FADS2: variants seen among roughly 807,000 people sequenced by gnomAD.
The protein encoded by FADS2 is fatty acid desaturase 2.
FADS2 carries 18 observed loss-of-function variants against 61.2 expected under a neutral mutation model. The observed-to-expected ratio is 0.29, with a 90% CI of 0.20 to 0.44. FADS2 has a LOEUF of 0.44. FADS2 is among the 20% of genes least tolerant of loss of function. The pLI, the probability that FADS2 is intolerant of heterozygous loss-of-function variation, is 1.00. For missense variants in FADS2, 322 were observed against 572.7 expected, an observed-to-expected ratio of 0.56 and a Z score of 4.47; for synonymous variants, 203 against 223.9, an observed-to-expected ratio of 0.91 and a Z score of 0.83.
upstream of FADS2, among the ~76,000 whole-genome samples, chr11:61,826,833 A>C (rs2067090252): frequency 6.6e-6 from 1 of 150,828 alleles, no homozygotes. Flanking sequence ...TGATCCCCCC[A>C]CCACCCCTGC....
Position 61,865,625 on chromosome 11 carries a change from C to G in FADS2, c.1284-13C>G. ...TCCTGGTCCCTGACCCTGGTCCATC[C>G]CCAACTTTGCAGGTCCCTGAAGAAG... On this transcript the variant is annotated splice_polypyrimidine_tract_variant and intron_variant, in intron 11 of 11. Coordinates refer to ENST00000278840, the MANE Select transcript of FADS2 (RefSeq NM_004265.4). This position sits in a 1 kb window ranked among gnomAD's most constrained non-coding sequence, Gnocchi z 4.1. 3 of 1,612,798 alleles carry G rather than the reference C, an allele frequency of 1.9e-6. No individual in the cohort carries two copies. Among genetic ancestry groups the G allele is most frequent in the Non-Finnish European group, 2.5e-6 (3 of 1,179,356 alleles).
chr11:61,821,973 C>CTTT (rs1179863779), intron 1 of FADS2, among the ~76,000 whole-genome samples: 1 of 143,648 alleles, frequency 7.0e-6, no homozygotes, highest in African/African-American at 2.5e-5. Flanking sequence ...TTAATGCAGT[C>CTTT]TTTTTTTTTT....
chr11:61,831,100 T>C (rs1396630737), intron 1 of FADS2, among the ~76,000 whole-genome samples: 1 of 152,122 alleles, frequency 6.6e-6, no homozygotes, highest in Non-Finnish European at 1.5e-5. Flanking sequence ...TGTTTTGTTT[T>C]GTTTTTTTAA....
chr11:61,830,975 C>T (rs2067123791), intron 1 of FADS2, among the ~76,000 whole-genome samples: 1 of 152,212 alleles, frequency 6.6e-6, no homozygotes, highest in South Asian at 2.1e-4. Flanking sequence ...TAAAAGCAAT[C>T]CCTGTCCCCA....
At chr11:61,821,141 C>T (rs1446770642) in intron 1 of FADS2, among the ~76,000 whole-genome samples, 2 of 152,198 alleles carry the variant, frequency 1.3e-5, no homozygotes, top group African/African-American at 4.8e-5. Flanking sequence ...ATATGAATCA[C>T]ATACTTAATT....
intron 4 of FADS2, among the ~76,000 whole-genome samples, chr11:61,843,994 C>CA (rs999992391): frequency 2.6e-5 from 4 of 151,654 alleles, no homozygotes; most frequent in African/African-American, 9.7e-5. Flanking sequence ...AAAATTAATG[C>CA]AAAAAAATCC....
upstream of FADS2, among the ~76,000 whole-genome samples, chr11:61,824,488 G>GAAAAAA (rs1460124325): frequency 3.7e-5 from 2 of 54,256 alleles, 1 homozygote; most frequent in Non-Finnish European, 6.7e-5. Flanking sequence ...GAGAGAGAGA[G>GAAAAAA]AGAAAGAAAG....
intron 4 of FADS2, among the ~76,000 whole-genome samples, chr11:61,842,244 G>A (rs979551172): frequency 1.3e-5 from 2 of 152,214 alleles, no homozygotes; most frequent in Non-Finnish European, 2.9e-5. Context: ...CACCAGTTTC[G>A]CAGCGAGCAG....
intron 1 of FADS2, 96 bp from the exon 2 acceptor site, chr11:61,837,682 A>G (rs2067185193): frequency 1.2e-6 from 1 of 802,958 alleles, no homozygotes; most frequent in South Asian, 1.5e-5. Context: ...GTCTGGGTGC[A>G]CACATGGAGC....
intron 6 of FADS2, 67 bp downstream of exon 6, chr11:61,857,138 C>T (rs1404729481): frequency 7.7e-7 from 1 of 1,298,590 alleles, no homozygotes. Flanking sequence ...GTGTCTCTCC[C>T]TCCTACCTGA....
At position 61,865,518 on chromosome 11, in the gene FADS2, A is replaced by T; in HGVS notation, c.1284-120A>T. 9.8e-7 allele frequency: 1 copy of T among 1,022,760 alleles called. No homozygotes were observed. The highest frequency in any genetic ancestry group is 1.5e-6 in the Non-Finnish European group (1 of 679,070). The allele number at this position is 1,022,760 out of a possible 1,614,324, so 63.4% of individuals were successfully genotyped here. ...CCCCACAGGCCCAGTGGCAGTGGTA[A>T]GCCCTGGTTAGGGCCAAGGGGACAT... On this transcript the variant is annotated intron_variant, in intron 11 of 11. Transcript: ENST00000278840. The surrounding 1 kb of genome is among the most constrained non-coding windows in gnomAD (Gnocchi z 4.1).
upstream of FADS2, chr11:61,816,219 C>T: frequency 6.3e-7 from 1 of 1,584,276 alleles, no homozygotes; most frequent in East Asian, 2.2e-5. The surrounding 1 kb of genome is among the most constrained non-coding windows in gnomAD (Gnocchi z 7.0). Context: ...GCTCTCCTCC[C>T]TCCTAGCCTA....
At chr11:61,824,360 G>A (rs190966188), upstream of FADS2, among the ~76,000 whole-genome samples, 1 of 144,422 alleles carries the variant, frequency 6.9e-6, no homozygotes, top group African/African-American at 2.6e-5. Flanking sequence ...CCAGCCTGGG[G>A]GATAGAGTGA....
At chr11:61,849,122 C>T (rs981214167) in intron 5 of FADS2, among the ~76,000 whole-genome samples, 1 of 152,172 alleles carries the variant, frequency 6.6e-6, no homozygotes, top group Non-Finnish European at 1.5e-5. Context: ...GTCTCAAACT[C>T]CTGACCTCAT....
In FADS2 at chr11:61,865,454, C is replaced by G; in HGVS notation, c.1283+177C>G. ...TCCCTGGGCTGCGAGAAGACCATCCCTTTCTGTGTGGGGTTCCTGGTGGGC... is the reference window on the plus strand; with the variant it reads ...TCCCTGGGCTGCGAGAAGACCATCCGTTTCTGTGTGGGGTTCCTGGTGGGC... On this transcript the variant is annotated intron_variant, in intron 11 of 11. Transcript: ENST00000278840. The surrounding 1 kb of genome is among the most constrained non-coding windows in gnomAD (Gnocchi z 4.1). 1 of 967,468 alleles carries G rather than the reference C, an allele frequency of 1.0e-6. No individual in the cohort carries two copies. The allele number at this position is 967,468 out of a possible 1,614,324, so 59.9% of individuals were successfully genotyped here.
intron 1 of FADS2, among the ~76,000 whole-genome samples, chr11:61,830,654 T>A (rs764384192): frequency 1.6e-4 from 25 of 152,188 alleles, no homozygotes; most frequent in Non-Finnish European, 3.1e-4. Context: ...TAAGCTAGGG[T>A]GGGAGCCAAC....
intron 7 of FADS2, among the ~76,000 whole-genome samples, chr11:61,860,043 C>T (rs114234489): frequency 6.6e-6 from 1 of 152,208 alleles, no homozygotes; most frequent in African/African-American, 2.4e-5. Flanking sequence ...AGAGTGGGGA[C>T]AATGTGATGA....
rs35440178 is a variant in FADS2 at position 61,865,644 on chromosome 11, G to A, written c.1290G>A (p.Leu430=). The change falls in exon 12 of 12, where the codon CTG becomes CTA. Residue 430 remains leucine, a synonymous_variant. Transcript: ENST00000278840. The surrounding 1 kb of genome is among the most constrained non-coding windows in gnomAD (Gnocchi z 4.1). ...LRALLDIIRS[L]KKSGKLWLDA... Reference sequence around the variant, plus strand: ...TCCATCCCCAACTTTGCAGGTCCCTGAAGAAGTCTGGGAAGCTGTGGCTGG... The same window carrying A: ...TCCATCCCCAACTTTGCAGGTCCCTAAAGAAGTCTGGGAAGCTGTGGCTGG... The A allele has an allele frequency of 1.1e-4, 180 of 1,613,170 alleles. No individual in the cohort carries two copies. In the African/African-American group the frequency reaches 2.1e-3, roughly 18 times the overall value.
chr11:61,826,657 G>A (rs2067088884), upstream of FADS2: 1 of 530,898 alleles, frequency 1.9e-6, no homozygotes. Flanking sequence ...CACACTCAAA[G>A]ACAGAGAGGC....
Sources: gnomAD v4.1 joint callset for allele counts (sites outside exome capture counted in the v4.1 genomes callset) on GRCh38, gnomAD v4.1.1 for gene constraint, Gnocchi (gnomAD v3.1) non-coding constraint, MANE v1.5 for transcripts, NCBI Gene and HGNC (gene_info 2026-07-23, HGNC 2026-07-21) for gene names.